Variants in MTIF2 observed in about 807,000 individuals in gnomAD.
The protein encoded by MTIF2 is mitochondrial translational initiation factor 2.
A neutral mutation model predicts 83.5 loss-of-function variants in MTIF2; 71 were observed. The ratio of observed to expected loss-of-function variants is 0.85; its 90% confidence interval spans 0.70 to 1.04. The LOEUF (loss-of-function observed/expected upper bound fraction) is 1.04. Ranked by LOEUF, MTIF2 falls within the 50% of genes least tolerant of loss-of-function variation. MTIF2 has a pLI of 0.00. For synonymous variants in MTIF2, 319 were observed against 287.1 expected, an observed-to-expected ratio of 1.11 and a Z score of -1.12; for missense variants, 957 against 846.5, an observed-to-expected ratio of 1.13 and a Z score of -1.62.
At chr2:55,262,180 GA>G (rs1678054814) in intron 5 of MTIF2, 135 bp downstream of exon 5, 5 of 668,288 alleles carry the variant, frequency 7.5e-6, no homozygotes, top group Non-Finnish European at 1.1e-5. Flanking sequence ...TTAAAGTGAA[GA>G]ATATTACAAT....
At chr2:55,239,203 G>A (rs1158514845) in intron 14 of MTIF2, among the ~76,000 whole-genome samples, 1 of 152,236 alleles carries the variant, frequency 6.6e-6, no homozygotes, top group East Asian at 1.9e-4. Context: ...TATTAGATAA[G>A]AGCATTGTAC....
intron 3 of MTIF2, among the ~76,000 whole-genome samples, chr2:55,267,368 A>G (rs2104493364): frequency 1.3e-5 from 2 of 152,070 alleles, no homozygotes; most frequent in South Asian, 4.2e-4. Flanking sequence ...CGTGTTGGCC[A>G]GGCTGGTCTT....
At chr2:55,253,658 T>C (rs2104399489) in intron 7 of MTIF2, among the ~76,000 whole-genome samples, 1 of 148,624 alleles carries the variant, frequency 6.7e-6, no homozygotes, top group South Asian at 2.1e-4. Context: ...CAACTAAAAA[T>C]ACAAAAATTA....
chr2:55,253,591 C>T (rs56902676), intron 7 of MTIF2, among the ~76,000 whole-genome samples: 10,965 of 151,738 alleles, frequency 0.072, 1,264 homozygotes, highest in African/African-American at 0.25. Context: ...CTGAGGCAGG[C>T]GGACCACAAG....
chr2:55,263,947 C>G (rs1654742602), intron 3 of MTIF2, 82 bp from the exon 4 acceptor site: 2 of 1,000,614 alleles, frequency 2.0e-6, no homozygotes, highest in African/African-American at 1.6e-5. Context: ...ATGCATAGCA[C>G]TGGACTACAC....
chr2:55,259,111 T>C (rs1677766626), intron 5 of MTIF2, among the ~76,000 whole-genome samples: 1 of 152,176 alleles, frequency 6.6e-6, no homozygotes, highest in Non-Finnish European at 1.5e-5. Context: ...CCCTCTGTGT[T>C]AAATGCATAT....
intron 5 of MTIF2, among the ~76,000 whole-genome samples, chr2:55,256,447 C>T (rs1399609175): frequency 6.6e-6 from 1 of 151,866 alleles, no homozygotes; most frequent in Admixed American, 6.6e-5. Flanking sequence ...GTGGCTCACG[C>T]CTGTAATCCC....
chr2:55,243,819 T>G (rs1329505507), intron 11 of MTIF2, 151 bp from the exon 12 acceptor site: 2 of 1,031,770 alleles, frequency 1.9e-6, no homozygotes, highest in African/African-American at 1.6e-5. Flanking sequence ...AAATTTTAAT[T>G]TGAGAGCTTG....
chr2:55,247,399 A>G (rs1483303641), intron 9 of MTIF2, among the ~76,000 whole-genome samples: 1 of 152,096 alleles, frequency 6.6e-6, no homozygotes, highest in African/African-American at 2.4e-5. Context: ...TAAAAATACA[A>G]AAAATTAGTC....
intron 5 of MTIF2, 70 bp downstream of exon 5, chr2:55,262,246 T>A: frequency 9.7e-7 from 1 of 1,029,544 alleles, no homozygotes; most frequent in Non-Finnish European, 1.5e-6. Flanking sequence ...AATGCCTTAA[T>A]CTCGTTGCAA....
chr2:55,252,532 A>G lies in MTIF2; in HGVS notation c.786T>C (p.Asp262=). 1 of 1,614,154 alleles carries G rather than the reference A, an allele frequency of 6.2e-7. No individual in the cohort carries two copies. The highest frequency in any genetic ancestry group is 8.5e-7 in the Non-Finnish European group (1 of 1,179,996). ...CTACAGTTTGTTTCATCACTCCATC[A>G]TCTGCAGCTACAACCAATACGACAA... The part of the protein sequence containing the change: ...TDIVVLVVAA[D]DGVMKQTVES... Residue 262 remains aspartate, a synonymous_variant, in exon 8 of 16, where the codon GAT becomes GAC. Transcript: ENST00000263629.
At chr2:55,237,247 T>TGAC in intron 15 of MTIF2, 41 bp downstream of exon 15, 1 of 1,581,806 alleles carries the variant, frequency 6.3e-7, no homozygotes, top group Non-Finnish European at 8.6e-7. Flanking sequence ...CAGGTCTTGG[T>TGAC]GACTGGATAT....
intron 9 of MTIF2, among the ~76,000 whole-genome samples, chr2:55,248,450 A>G (rs930681479): frequency 1.3e-5 from 2 of 152,256 alleles, no homozygotes; most frequent in Middle Eastern, 3.4e-3. Context: ...GATCAGGAGA[A>G]AAAAAAGGCT....
intron 11 of MTIF2, 132 bp from the exon 12 acceptor site, chr2:55,243,800 A>G (rs1676499536): frequency 9.1e-7 from 1 of 1,095,084 alleles, no homozygotes; most frequent in South Asian, 1.8e-5. Context: ...AAGTTTCAAG[A>G]AACATGTAAA....
At position 55,263,875 on chromosome 2, in the gene MTIF2, A is replaced by T; in HGVS notation, c.-7-10T>A. 6.3e-7 allele frequency: 1 copy of T among 1,588,750 alleles called. No individual in the cohort carries two copies. The highest frequency in any genetic ancestry group is 8.6e-7 in the Non-Finnish European group (1 of 1,164,864). On this transcript the variant is annotated splice_polypyrimidine_tract_variant and intron_variant, in intron 3 of 15. Transcript: ENST00000263629. ...CTGGTTCATGTTTCTCCTGGGGAAA[A>T]AAAAAAGGTTTTAAAATAATATTCA...
At position 55,263,873 on chromosome 2, in the gene MTIF2, A is replaced by AC; in HGVS notation, c.-7-9_-7-8insG. 1 of 1,582,410 alleles carries AC rather than the reference A, an allele frequency of 6.3e-7. No homozygotes were observed. The highest frequency in any genetic ancestry group is 8.6e-7 in the Non-Finnish European group (1 of 1,160,752). ...TTCTGGTTCATGTTTCTCCTGGGGA[A>AC]AAAAAAAAGGTTTTAAAATAATATT... On this transcript the variant is annotated splice_polypyrimidine_tract_variant and intron_variant, in intron 3 of 15. Coordinates refer to ENST00000263629, the MANE Select transcript of MTIF2 (RefSeq NM_002453.3).
intron 8 of MTIF2, among the ~76,000 whole-genome samples, chr2:55,250,987 G>A (rs887737138): frequency 1.3e-5 from 2 of 151,628 alleles, no homozygotes; most frequent in East Asian, 1.9e-4. Flanking sequence ...GCAGTCACCT[G>A]TAATCCCAGC....
chr2:55,246,739 A>G (rs1012932065), intron 9 of MTIF2, among the ~76,000 whole-genome samples: 3 of 152,162 alleles, frequency 2.0e-5, no homozygotes, highest in Admixed American at 2.0e-4. Context: ...TTTTTAAAGG[A>G]TGACCACTGG....
intron 8 of MTIF2, 27 bp downstream of exon 8, chr2:55,252,450 A>G (rs894447216): frequency 1.9e-6 from 3 of 1,600,730 alleles, no homozygotes; most frequent in Non-Finnish European, 2.6e-6. Flanking sequence ...TTTATGTAGT[A>G]GATCCATTAA....
Sources: allele counts gnomAD v4.1 joint callset (sites outside exome capture counted in the v4.1 genomes callset), GRCh38; gene constraint gnomAD v4.1.1; transcripts MANE v1.5; gene names NCBI Gene and HGNC (gene_info 2026-07-23, HGNC 2026-07-21).